Variants in FYB1 observed in about 807,000 individuals in gnomAD.
FYB1 encodes the protein FYN-binding protein 1.
A neutral mutation model predicts 94.1 loss-of-function variants in FYB1; 41 were observed. The observed-to-expected ratio is 0.44, with a 90% confidence interval of 0.34 to 0.57. The LOEUF is 0.57. Among genes scored for constraint, FYB1 ranks in the 20% least tolerant of loss-of-function variants. The pLI is 0.02. For missense variants in FYB1, 1,050 were observed against 976.8 expected, an observed-to-expected ratio of 1.07 and a Z score of -1.00; for synonymous variants, 367 against 353.2, an observed-to-expected ratio of 1.04 and a Z score of -0.44.
chr5:39,150,270 T>C (rs1249623844), intron 3 of FYB1, among the ~76,000 whole-genome samples: 1 of 152,024 alleles, frequency 6.6e-6, no homozygotes, highest in East Asian at 1.9e-4. Context: ...GTCATAATAA[T>C]GAAGCTCTGT....
intron 1 of FYB1, among the ~76,000 whole-genome samples, chr5:39,248,610 G>C (rs1333895811): frequency 6.6e-6 from 1 of 152,164 alleles, no homozygotes; most frequent in Non-Finnish European, 1.5e-5. Context: ...CGGCTGAGGT[G>C]GGGATCACTT....
intron 2 of FYB1, among the ~76,000 whole-genome samples, chr5:39,163,924 A>G (rs1474556550): frequency 6.6e-6 from 1 of 152,238 alleles, no homozygotes; most frequent in Non-Finnish European, 1.5e-5. Flanking sequence ...AAGCACTAGA[A>G]ATCAAGTTTT....
At chr5:39,124,330 A>G in intron 12 of FYB1, 52 bp from the exon 13 acceptor site, 13 of 1,334,502 alleles carry the variant, frequency 9.7e-6, no homozygotes, top group Non-Finnish European at 7.1e-6. Context: ...GAACACAGAA[A>G]TTGATTCCGT....
At chr5:39,260,608 T>C (rs1016020655) in intron 1 of FYB1, among the ~76,000 whole-genome samples, 1 of 152,144 alleles carries the variant, frequency 6.6e-6, no homozygotes, top group African/African-American at 2.4e-5. Flanking sequence ...ACACTTCCAC[T>C]GGCAACAAAG....
chr5:39,115,338 G>T (rs930183357), intron 16 of FYB1, among the ~76,000 whole-genome samples: 2 of 151,882 alleles, frequency 1.3e-5, no homozygotes, highest in Non-Finnish European at 2.9e-5. Flanking sequence ...AAAGTGATCC[G>T]CCCACCTCCG....
At chr5:39,163,546 A>T (rs907511998) in intron 2 of FYB1, among the ~76,000 whole-genome samples, 1 of 152,256 alleles carries the variant, frequency 6.6e-6, no homozygotes. Flanking sequence ...AATTTTTTCA[A>T]CAGTTAAAAA....
Position 39,207,668 on chromosome 5 carries a change from A to G in FYB1, c.-27-4681T>C, listed in dbSNP as rs1489235012. On this transcript the variant is annotated intron_variant, in intron 1 of 18. Transcript: ENST00000512982. ...GGAAAACTAAAAATATATTATCTCT[A>G]TTATTAGGAACAGGATTTTGTTTTG... Among the ~76,000 whole-genome samples, 6 of 151,402 alleles carry G rather than the reference A, an allele frequency of 4.0e-5. No individual in the cohort carries two copies. In the South Asian group the frequency reaches 1.2e-3, roughly 31 times the overall value.
intron 2 of FYB1, among the ~76,000 whole-genome samples, chr5:39,159,756 T>A (rs1407170216): frequency 6.6e-6 from 1 of 152,184 alleles, no homozygotes; most frequent in East Asian, 1.9e-4. Context: ...GGCATTTTAG[T>A]TCCCATCAGT....
intron 5 of FYB1, 47 bp downstream of exon 5, chr5:39,139,186 A>T: frequency 7.1e-7 from 1 of 1,415,742 alleles, no homozygotes; most frequent in African/African-American, 1.4e-5. Context: ...TACTTGTGAA[A>T]TATTCTGATT....
intron 2 of FYB1, among the ~76,000 whole-genome samples, chr5:39,193,729 C>A (rs533653708): frequency 6.6e-6 from 1 of 152,190 alleles, no homozygotes; most frequent in Non-Finnish European, 1.5e-5. Context: ...ACACGAGAGG[C>A]AGAAGGGGGA....
chr5:39,136,126 G>A (rs370511271), intron 7 of FYB1, among the ~76,000 whole-genome samples: 2 of 151,802 alleles, frequency 1.3e-5, no homozygotes, highest in African/African-American at 2.4e-5. Flanking sequence ...CTAGAGTGCC[G>A]AGGCCCGATC....
intron 16 of FYB1, among the ~76,000 whole-genome samples, chr5:39,116,383 G>A (rs1314166567): frequency 6.6e-6 from 1 of 152,200 alleles, no homozygotes; most frequent in Admixed American, 6.5e-5. Flanking sequence ...ACTGTAAAGT[G>A]CATTGGTACT....
chr5:39,152,566 A>C (rs1743336527), intron 3 of FYB1, among the ~76,000 whole-genome samples: 2 of 152,242 alleles, frequency 1.3e-5, no homozygotes, highest in African/African-American at 4.8e-5. Flanking sequence ...GGGAATATCT[A>C]GTCCATTTTG....
intron 1 of FYB1, among the ~76,000 whole-genome samples, chr5:39,242,989 T>C (rs1288608126): frequency 6.6e-6 from 1 of 152,180 alleles, no homozygotes; most frequent in African/African-American, 2.4e-5. Context: ...ATGGGGTTGT[T>C]TGTTTATTTC....
chr5:39,163,750 T>A (rs7724020), intron 2 of FYB1, among the ~76,000 whole-genome samples: 123,073 of 152,144 alleles, frequency 0.81, 52,226 homozygotes, highest in Non-Finnish European at 0.94. Flanking sequence ...GAAGGAAAAA[T>A]GTCAGCATAT....
intron 1 of FYB1, among the ~76,000 whole-genome samples, chr5:39,204,087 T>A (rs1327496081): frequency 1.3e-5 from 2 of 152,132 alleles, no homozygotes; most frequent in African/African-American, 4.8e-5. Context: ...ATCCCCCACC[T>A]TTCATTGCCC....
intron 1 of FYB1, among the ~76,000 whole-genome samples, chr5:39,206,412 T>C (rs1748863008): frequency 6.6e-6 from 1 of 152,214 alleles, no homozygotes; most frequent in South Asian, 2.1e-4. Context: ...TTAAGCGTAA[T>C]GATAGAAAAA....
chr5:39,258,070 G>A (rs1001302258), intron 1 of FYB1, among the ~76,000 whole-genome samples: 3 of 152,128 alleles, frequency 2.0e-5, no homozygotes, highest in Non-Finnish European at 4.4e-5. Context: ...TATTGGGTGC[G>A]GCCCAAGAAG....
chr5:39,228,048 A>G (rs182683138), intron 1 of FYB1, among the ~76,000 whole-genome samples: 73 of 152,318 alleles, frequency 4.8e-4, no homozygotes, highest in African/African-American at 1.6e-3. Flanking sequence ...TCTAAGATCA[A>G]TGATCAGATT....
Sources: gnomAD v4.1 joint callset for allele counts (sites outside exome capture counted in the v4.1 genomes callset) on GRCh38, gnomAD v4.1.1 for gene constraint, MANE v1.5 for transcripts, NCBI Gene and HGNC (gene_info 2026-07-23, HGNC 2026-07-21) for gene names.